IQCM: variants seen among roughly 807,000 people sequenced by gnomAD.
The protein encoded by IQCM is IQ motif containing M.
A neutral mutation model predicts 57.6 loss-of-function variants in IQCM; 45 were observed. The ratio of observed to expected loss-of-function variants is 0.78; its 90% confidence interval spans 0.62 to 1.00. IQCM has a LOEUF of 1.00. IQCM is among the 50% of genes least tolerant of loss of function. The pLI is 0.00. For synonymous variants in IQCM, 148 were observed against 158.9 expected (o/e 0.93, Z 0.51); for missense variants, 468 against 511.6 (o/e 0.91, Z 0.82).
intron 5 of IQCM, among the ~76,000 whole-genome samples, chr4:149,702,254 ACTTC>A (rs1173778647): frequency 5.3e-5 from 8 of 150,642 alleles, no homozygotes; most frequent in Non-Finnish European, 1.0e-4. Context: ...ACACCTGACG[ACTTC>A]CTTCATTCTC....
chr4:149,588,304 A>G (rs952503212), intron 8 of IQCM, among the ~76,000 whole-genome samples: 1 of 151,866 alleles, frequency 6.6e-6, no homozygotes, highest in African/African-American at 2.4e-5. Context: ...CTGTCTTACA[A>G]AAGAGATTTA....
chr4:149,664,966 C>G (rs1470620588), intron 7 of IQCM, among the ~76,000 whole-genome samples: 2 of 152,142 alleles, frequency 1.3e-5, no homozygotes, highest in African/African-American at 4.8e-5. Flanking sequence ...TCTTTTCATT[C>G]CCTAGAAAGA....
At chr4:149,706,385 G>T (rs990706293) in intron 5 of IQCM, among the ~76,000 whole-genome samples, 2 of 151,488 alleles carry the variant, frequency 1.3e-5, no homozygotes, top group African/African-American at 4.9e-5. Context: ...ACATGGATTT[G>T]GGGGGCATGT....
intron 7 of IQCM, among the ~76,000 whole-genome samples, chr4:149,625,545 T>C (rs1234664389): frequency 6.6e-6 from 1 of 152,206 alleles, no homozygotes; most frequent in Non-Finnish European, 1.5e-5. Context: ...GAAGTATGAT[T>C]GGACAAAATG....
intron 2 of IQCM, among the ~76,000 whole-genome samples, chr4:149,773,746 A>G (rs1338342646): frequency 6.6e-6 from 1 of 152,218 alleles, no homozygotes; most frequent in Non-Finnish European, 1.5e-5. Flanking sequence ...ACTGCTGTGC[A>G]TGTTAAAAGT....
At chr4:149,562,807 C>T (rs1295622794) in intron 10 of IQCM, among the ~76,000 whole-genome samples, 1 of 151,836 alleles carries the variant, frequency 6.6e-6, no homozygotes, top group Non-Finnish European at 1.5e-5. Context: ...AAATTTATAC[C>T]CAGAGATAGG....
At chr4:149,633,470 T>G (rs1757467267) in intron 7 of IQCM, among the ~76,000 whole-genome samples, 1 of 152,136 alleles carries the variant, frequency 6.6e-6, no homozygotes, top group Admixed American at 6.5e-5. Flanking sequence ...GATAGCCACA[T>G]GGATTCTGTT....
chr4:149,546,011 C>A (rs951364764), intron 12 of IQCM, among the ~76,000 whole-genome samples: 1 of 152,046 alleles, frequency 6.6e-6, no homozygotes, highest in African/African-American at 2.4e-5. Flanking sequence ...ATGTTCCCCA[C>A]CCTGTGTCCA....
At chr4:149,358,095 C>A (rs1345195507) in intron 13 of IQCM, among the ~76,000 whole-genome samples, 6 of 151,910 alleles carry the variant, frequency 3.9e-5, no homozygotes, top group Non-Finnish European at 1.5e-5. Context: ...GGTGATATCC[C>A]CTTTATCATT....
chr4:149,523,050 T>A (rs1745815899), intron 12 of IQCM, among the ~76,000 whole-genome samples: 1 of 152,120 alleles, frequency 6.6e-6, no homozygotes, highest in African/African-American at 2.4e-5. Context: ...CAAGATCAAG[T>A]CACTAGCAGA....
At chr4:149,465,092 G>C (rs1163713819) in intron 12 of IQCM, among the ~76,000 whole-genome samples, 2 of 151,912 alleles carry the variant, frequency 1.3e-5, no homozygotes, top group Non-Finnish European at 2.9e-5. Flanking sequence ...ATTAACAACA[G>C]GATTGATAAC....
At chr4:149,453,765 C>T (rs187172328) in intron 12 of IQCM, among the ~76,000 whole-genome samples, 7 of 151,818 alleles carry the variant, frequency 4.6e-5, no homozygotes, top group South Asian at 2.1e-4. Flanking sequence ...ATATATTGTT[C>T]GTGAGATTGT....
chr4:149,450,136 T>A (rs895654822), intron 12 of IQCM, among the ~76,000 whole-genome samples: 1 of 151,826 alleles, frequency 6.6e-6, no homozygotes, highest in Admixed American at 6.6e-5. Flanking sequence ...TAAGTTGTAC[T>A]GAGAAAACTG....
intron 12 of IQCM, among the ~76,000 whole-genome samples, chr4:149,496,455 G>T (rs575760615): frequency 5.9e-5 from 9 of 152,174 alleles, no homozygotes; most frequent in African/African-American, 1.4e-4. Context: ...AAAATCTCAA[G>T]GGTCTTTATA....
intron 13 of IQCM, among the ~76,000 whole-genome samples, chr4:149,402,819 T>C (rs1451314177): frequency 6.6e-6 from 1 of 151,358 alleles, no homozygotes; most frequent in East Asian, 1.9e-4. Flanking sequence ...TGCAAAGCAG[T>C]TTCACAAAAA....
chr4:149,563,877 G>A lies in IQCM; in HGVS notation c.763C>T (p.Pro255Ser). The A allele has an allele frequency of 8.2e-7, 1 of 1,225,544 alleles. No homozygotes were observed. The highest frequency in any genetic ancestry group is 1.0e-6 in the Non-Finnish European group (1 of 982,342). 75.9% of individuals were successfully genotyped at this position (1,225,544 alleles called of 1,614,324 possible). The change falls in exon 10 of 14, where the codon CCA (proline) becomes TCA (serine). Residue 255 changes from proline (P) to serine (S), a missense_variant. Transcript: ENST00000636793. The stretch of plus-strand genomic sequence containing the variant: ...CTGTCAAGTTTATCAGTTTTATTTG[G>A]AGTACCTTTTATCCTAAAAATAAAA... ...PKSQPRIKGT[P>S]NKTDKLDSKV...
chr4:149,467,272 T>C (rs1738953355), intron 12 of IQCM, among the ~76,000 whole-genome samples: 1 of 152,190 alleles, frequency 6.6e-6, no homozygotes, highest in Non-Finnish European at 1.5e-5. Flanking sequence ...GGGAGAATAT[T>C]TCAAATCAAA....
At chr4:149,568,126 C>G (rs931933129) in intron 9 of IQCM, among the ~76,000 whole-genome samples, 1 of 152,140 alleles carries the variant, frequency 6.6e-6, no homozygotes, top group Non-Finnish European at 1.5e-5. Flanking sequence ...GATTCTCCAT[C>G]CTGTGGTTGA....
chr4:149,389,819 C>T (rs1464171977), intron 13 of IQCM, among the ~76,000 whole-genome samples: 2 of 151,674 alleles, frequency 1.3e-5, no homozygotes, highest in Non-Finnish European at 2.9e-5. Flanking sequence ...AACTAACCTG[C>T]ACATTGTGCA....
Sources: allele counts gnomAD v4.1 joint callset (sites outside exome capture counted in the v4.1 genomes callset), GRCh38; gene constraint gnomAD v4.1.1; transcripts MANE v1.5; gene names NCBI Gene and HGNC (gene_info 2026-07-23, HGNC 2026-07-21).